The following TUBB1 variants were observed in gnomAD, a reference collection of about 807,000 sequenced individuals.
The protein encoded by TUBB1 is tubulin beta-1 chain.
In TUBB1, 28 loss-of-function variants were observed where a neutral mutation model predicts 22.6. The ratio of observed to expected loss-of-function variants is 1.24; its 90% CI spans 0.92 to 1.70. The LOEUF (loss-of-function observed/expected upper bound fraction) is 1.70. Ranked by LOEUF, TUBB1 falls within the 40% of genes most tolerant of loss-of-function variation. The pLI is 0.00. For missense variants in TUBB1, 577 were observed against 605.5 expected (o/e 0.95, Z 0.49); for synonymous variants, 226 against 238.0 (o/e 0.95, Z 0.46).
Position 59,024,562 on chromosome 20 carries a change from A to G in TUBB1, c.1135A>G (p.Asn379Asp). Reference protein sequence around the residue: ...GNNTAIQEIFNRVSEHFSAMF... With the variant: ...GNNTAIQEIFDRVSEHFSAMF... ...CAACACGGCCATCCAAGAGATCTTT[A>G]ATAGGGTCTCTGAGCATTTCTCAGC... Residue 379 changes from asparagine to aspartate, a missense_variant, in exon 4 of 4, where the codon AAT becomes GAT. By Grantham distance (23) the Asn-to-Asp change is conservative. Transcript: ENST00000217133. This position sits in a 1 kb window ranked among gnomAD's most constrained non-coding sequence, Gnocchi z 4.9. 6.2e-7 allele frequency: 1 copy of G among 1,614,202 alleles called. No homozygotes were observed. The highest frequency in any genetic ancestry group is 8.5e-7 in the Non-Finnish European group (1 of 1,180,044).
rs746577885 is a variant in TUBB1, at chr20:59,022,837, G to A, written c.58-8G>A. The stretch of plus-strand genomic sequence containing the variant: ...GTCCGTTTACTCTGACCTTCCTCCT[G>A]CTTTCAGTTCTGGGAGATGATTGGT... On this transcript the variant is annotated splice_polypyrimidine_tract_variant and splice_region_variant and intron_variant, in intron 1 of 3. Transcript: ENST00000217133. 4 of 1,613,886 alleles carry A rather than the reference G, an allele frequency of 2.5e-6. 1 individual carries two copies. The South Asian group carries it at 3.3e-5, about 13-fold the overall frequency.
intron 1 of TUBB1, among the ~76,000 whole-genome samples, chr20:59,020,186 C>A (rs558999896): frequency 5.9e-5 from 9 of 151,846 alleles, no homozygotes; most frequent in Admixed American, 2.0e-4. Flanking sequence ...GCACTTTTAT[C>A]ATCTTTTATT....
Position 59,023,515 on chromosome 20 carries a change from C to A in TUBB1, c.192C>A (p.Val64=). 1 of 1,614,146 alleles carries A rather than the reference C, an allele frequency of 6.2e-7. No homozygotes were observed. Among genetic ancestry groups the A allele is most frequent in the Non-Finnish European group, 8.5e-7 (1 of 1,180,004 alleles). The change falls in exon 3 of 4, where the codon GTC becomes GTA. Residue 64 remains valine (V), a synonymous_variant. Transcript: ENST00000217133. ...AYGRKYVPRA[V]LVDLEPGTMD... is the part of the protein sequence containing the mutation. Reference sequence around the variant, plus strand: ...GTAGGAAATATGTGCCCCGAGCAGTCTTGGTGGACCTAGAACCTGGGACGA... The same window carrying A: ...GTAGGAAATATGTGCCCCGAGCAGTATTGGTGGACCTAGAACCTGGGACGA...
upstream of TUBB1, chr20:59,019,252 A>C: frequency 1.9e-6 from 1 of 537,678 alleles, no homozygotes; most frequent in Non-Finnish European, 3.4e-6. Context: ...CTAGGAAATG[A>C]TGGGGCAGTA....
chr20:59,019,385 T>C, upstream of TUBB1: 1 of 965,164 alleles, frequency 1.0e-6, no homozygotes, highest in South Asian at 1.3e-5. Flanking sequence ...CTTGGTCACA[T>C]TGTGAGGGTA....
intron 2 of TUBB1, 98 bp from the exon 3 acceptor site, chr20:59,023,392 A>G: frequency 8.9e-7 from 1 of 1,125,390 alleles, no homozygotes; most frequent in Non-Finnish European, 1.4e-6. Flanking sequence ...TAGAATATCC[A>G]TGATTTTTTT....
chr20:59,022,913 G>A lies in TUBB1; in HGVS notation c.126G>A (p.Leu42=), dbSNP rs981659995. 5 of 1,614,104 alleles carry A rather than the reference G, an allele frequency of 3.1e-6. No homozygotes were observed. The highest frequency in any genetic ancestry group is 3.4e-6 in the Non-Finnish European group (4 of 1,180,022). Residue 42 remains leucine (L), a synonymous_variant, in exon 2 of 4, where the codon TTG becomes TTA. Coordinates refer to ENST00000217133, the MANE Select transcript of TUBB1 (RefSeq NM_030773.4). ...GGAGCGACCGCGGGGCCTCGGCCTTGCAGCTGGAGAGAATCAGCGTGTACT... is the reference window on the plus strand; with the variant it reads ...GGAGCGACCGCGGGGCCTCGGCCTTACAGCTGGAGAGAATCAGCGTGTACT... The part of the protein sequence containing the change: ...LAGSDRGASA[L]QLERISVYYN...
intron 1 of TUBB1, among the ~76,000 whole-genome samples, chr20:59,020,811 A>G (rs920953759): frequency 6.6e-6 from 1 of 152,044 alleles, no homozygotes; most frequent in African/African-American, 2.4e-5. Context: ...TAATTGGCCA[A>G]CCCCAAGAAC....
At chr20:59,022,576 T>C (rs889206917) in intron 1 of TUBB1, among the ~76,000 whole-genome samples, 1 of 152,232 alleles carries the variant, frequency 6.6e-6, no homozygotes, top group African/African-American at 2.4e-5. Flanking sequence ...ATGAATTTAA[T>C]AGGAGGAAAA....
rs201396446 is a variant in TUBB1, at chr20:59,024,129, C to T, written c.702C>T (p.Ser234=). The T allele has an allele frequency of 2.4e-5, 39 of 1,614,090 alleles. No individual in the cohort carries two copies. Among genetic ancestry groups the T allele is most frequent in the East Asian group, 6.7e-5 (3 of 44,896 alleles). The change falls in exon 4 of 4, where the codon AGC becomes AGT. Residue 234 remains serine, a synonymous_variant. Transcript: ENST00000217133. The surrounding 1 kb of genome is among the most constrained non-coding windows in gnomAD (Gnocchi z 4.9). ...ACCACCTAGTGTCCTTGACCATGAG[C>T]GGCATAACCACCTCCCTCCGGTTCC... ...DLNHLVSLTM[S]GITTSLRFPG... is the part of the protein sequence containing the mutation.
chr20:59,024,309 C>T lies in TUBB1; in HGVS notation c.882C>T (p.Phe294=), dbSNP rs1330477567. 1.2e-5 allele frequency: 19 copies of T among 1,613,860 alleles called. No individual in the cohort carries two copies. Among genetic ancestry groups the T allele is most frequent in the East Asian group, 8.9e-5 (4 of 44,894 alleles). Residue 294 remains phenylalanine, a synonymous_variant, in exon 4 of 4, where the codon TTC becomes TTT. Coordinates refer to ENST00000217133, the MANE Select transcript of TUBB1 (RefSeq NM_030773.4). This position sits in a 1 kb window ranked among gnomAD's most constrained non-coding sequence, Gnocchi z 4.9. The part of the protein sequence containing the change: ...LSVAELTQQM[F]DARNTMAACD... The stretch of plus-strand genomic sequence containing the variant: ...TGGCCGAGCTCACCCAGCAGATGTT[C>T]GATGCCCGCAATACCATGGCTGCCT...
Position 59,019,526 on chromosome 20 carries a change from C to T in TUBB1, c.4C>T (p.Arg2Cys), listed in dbSNP as rs754294863. The change falls in exon 1 of 4, where the codon CGT becomes TGT. Residue 2 changes from arginine to cysteine, a missense_variant. Coordinates refer to ENST00000217133, the MANE Select transcript of TUBB1 (RefSeq NM_030773.4). ...CAGACTTGGGCTCAGAGCAAGGATG[C>T]GTGAAATTGTCCATATTCAGATTGG... Reference protein sequence around the residue: MREIVHIQIGQC... With the variant: MCEIVHIQIGQC... 19 of 1,613,968 alleles carry T rather than the reference C, an allele frequency of 1.2e-5. No individual in the cohort carries two copies. The highest frequency in any genetic ancestry group is 2.2e-5 in the East Asian group (1 of 44,874).
In TUBB1 at chr20:59,026,079, T is replaced by G. The variant is rs2091992977; in HGVS notation, c.*1296T>G. On this transcript the variant is annotated 3_prime_UTR_variant, in exon 4 of 4. Coordinates refer to ENST00000217133, the MANE Select transcript of TUBB1 (RefSeq NM_030773.4). ...TCCGACCCTCAATGCAGTAAATATT[T>G]ACTTGCAGGCAACTGGGTTCTCATC... 6.6e-6 allele frequency: 1 copy of G among 152,232 alleles called. No individual in the cohort carries two copies. Among genetic ancestry groups the G allele is most frequent in the African/African-American group, 2.4e-5 (1 of 41,464 alleles). The allele number at this position is 152,232 out of a possible 1,614,324, so 9.4% of individuals were successfully genotyped here.
intron 1 of TUBB1, among the ~76,000 whole-genome samples, chr20:59,022,008 T>TAAACAAAC (rs113873196): frequency 0.019 from 2,854 of 149,348 alleles, 79 homozygotes; most frequent in African/African-American, 0.067. Context: ...AATAAATAAA[T>TAAACAAAC]AAACAAACAA....
In TUBB1 at chr20:59,022,965, G is replaced by A. The variant is rs1459657953; in HGVS notation, c.166+12G>A. 3.1e-6 allele frequency: 5 copies of A among 1,609,860 alleles called. No individual in the cohort carries two copies. The highest frequency in any genetic ancestry group is 2.2e-5 in the East Asian group (1 of 44,846). Reference sequence around the variant, plus strand: ...CAACGAAGCCTACGGTAGGACTGGCGGGGCTCTGGGAGCAGTGGTCCCGCA... The same window carrying A: ...CAACGAAGCCTACGGTAGGACTGGCAGGGCTCTGGGAGCAGTGGTCCCGCA... On this transcript the variant is annotated intron_variant, in intron 2 of 3. Coordinates refer to ENST00000217133, the MANE Select transcript of TUBB1 (RefSeq NM_030773.4).
rs1361659405 is a variant in TUBB1, at chr20:59,024,178, C to T, written c.751C>T (p.Arg251Cys). The T allele has an allele frequency of 2.5e-6, 4 of 1,614,200 alleles. No homozygotes were observed. Among genetic ancestry groups the T allele is most frequent in the East Asian group, 2.2e-5 (1 of 44,890 alleles). Residue 251 changes from arginine to cysteine, a missense_variant, in exon 4 of 4, where the codon CGC becomes TGC. Arg to Cys is a radical substitution (Grantham distance 180, BLOSUM62 -3). Coordinates refer to ENST00000217133, the MANE Select transcript of TUBB1 (RefSeq NM_030773.4). This position sits in a 1 kb window ranked among gnomAD's most constrained non-coding sequence, Gnocchi z 4.9. ...RFPGQLNADL[R>C]KLAVNMVPFP... ...CCCGGGTCAGCTCAACGCAGACCTGCGCAAGCTGGCGGTGAACATGGTCCC... is the reference window on the plus strand; with the variant it reads ...CCCGGGTCAGCTCAACGCAGACCTGTGCAAGCTGGCGGTGAACATGGTCCC...
rs777860445 is a variant in TUBB1 at position 59,023,570 on chromosome 20, GCTCT to G, written c.250_253del (p.Leu84PhefsTer28). 6.8e-6 allele frequency: 11 copies of G among 1,614,196 alleles called. No homozygotes were observed. The highest frequency in any genetic ancestry group is 9.3e-6 in the Non-Finnish European group (11 of 1,180,038). ...CAGCATTCGATCTAGCAAATTAGGAGCTCTCTTTCAACCCGACAGTTTTGTCCAT... is the reference window on the plus strand; with the variant it reads ...CAGCATTCGATCTAGCAAATTAGGAGCTTTCAACCCGACAGTTTTGTCCAT... On this transcript the variant is annotated frameshift_variant, in exon 3 of 4. Coordinates refer to ENST00000217133, the MANE Select transcript of TUBB1 (RefSeq NM_030773.4). LOFTEE classifies it high-confidence loss of function.
chr20:59,022,784 C>A, intron 1 of TUBB1, 61 bp from the exon 2 acceptor site: 1 of 1,504,608 alleles, frequency 6.6e-7, no homozygotes, highest in Non-Finnish European at 9.2e-7. Flanking sequence ...TGCTAACTTT[C>A]TCTGTGGTTA....
chr20:59,023,631 GA>G (rs2091978429), intron 3 of TUBB1, 31 bp downstream of exon 3: 4 of 1,613,432 alleles, frequency 2.5e-6, no homozygotes, highest in African/African-American at 1.3e-5. Context: ...CCACCAGGAG[GA>G]GGGGGGGATG....
Sources: allele counts gnomAD v4.1 joint callset (sites outside exome capture counted in the v4.1 genomes callset), GRCh38; gene constraint gnomAD v4.1.1; non-coding constraint Gnocchi (gnomAD v3.1); transcripts MANE v1.5; gene names NCBI Gene and HGNC (gene_info 2026-07-23, HGNC 2026-07-21).